SORCS2: variants seen among roughly 807,000 people sequenced by gnomAD.
SORCS2 encodes the protein sortilin related VPS10 domain containing receptor 2, also known as VPS10 domain-containing receptor SorCS2.
A neutral mutation model predicts 141.6 loss-of-function variants in SORCS2; 100 were observed. The ratio of observed to expected loss-of-function variants is 0.71; its 90% confidence interval spans 0.60 to 0.83. SORCS2 has a LOEUF of 0.83. Among genes scored for constraint, SORCS2 ranks in the 40% least tolerant of loss-of-function variants. The pLI is 0.00. For missense variants in SORCS2, 1,646 were observed against 1,560.2 expected, an observed-to-expected ratio of 1.05 and a Z score of -0.93; for synonymous variants, 789 against 676.9, an observed-to-expected ratio of 1.17 and a Z score of -2.57.
At chr4:7,232,546 G>T (rs922907165) in intron 1 of SORCS2, among the ~76,000 whole-genome samples, 1 of 152,164 alleles carries the variant, frequency 6.6e-6, no homozygotes, top group South Asian at 2.1e-4. Context: ...CTCTTAATTC[G>T]CTTTCCTGCC....
At chr4:7,557,446 G>A (rs1222850220) in intron 3 of SORCS2, among the ~76,000 whole-genome samples, 1 of 152,216 alleles carries the variant, frequency 6.6e-6, no homozygotes, top group Non-Finnish European at 1.5e-5. Context: ...CTTTGAAGAT[G>A]ATTGTGTGCT....
chr4:7,609,704 C>G (rs1394365955), intron 3 of SORCS2, among the ~76,000 whole-genome samples: 1 of 152,216 alleles, frequency 6.6e-6, no homozygotes, highest in Non-Finnish European at 1.5e-5. Flanking sequence ...CTCCAGAGAG[C>G]GGCTCAGGAA....
Position 7,718,173 on chromosome 4 carries a change from G to T in SORCS2, c.2414G>T (p.Arg805Leu). 6.2e-7 allele frequency: 1 copy of T among 1,610,156 alleles called. No homozygotes were observed. The highest frequency in any genetic ancestry group is 8.5e-7 in the Non-Finnish European group (1 of 1,179,252). ...GGAGAGGACGTCCTGTTTGTGGTGC[G>T]GCAGGAGCAGGTGAGTGAGCACCTC... ...RPGEDVLFVV[R>L]QEQGDVLTTK... is the part of the protein sequence containing the mutation. The change falls in exon 18 of 27, where the codon CGG (arginine) becomes CTG (leucine). Residue 805 changes from arginine to leucine, a missense_variant. Arg to Leu is a moderately radical substitution (Grantham distance 102). Transcript: ENST00000507866.
At chr4:7,727,939 C>G (rs1056658502) in intron 21 of SORCS2, among the ~76,000 whole-genome samples, 3 of 152,216 alleles carry the variant, frequency 2.0e-5, no homozygotes, top group African/African-American at 7.2e-5. Context: ...CCATGGATCC[C>G]TGATGGATGA....
chr4:7,241,970 C>T (rs942096846), intron 1 of SORCS2, among the ~76,000 whole-genome samples: 6 of 152,194 alleles, frequency 3.9e-5, no homozygotes, highest in Non-Finnish European at 8.8e-5. Context: ...CTGGCTGCAG[C>T]TGAGTGCAGC....
At chr4:7,452,686 T>C (rs1400470342) in intron 2 of SORCS2, among the ~76,000 whole-genome samples, 1 of 152,214 alleles carries the variant, frequency 6.6e-6, no homozygotes, top group African/African-American at 2.4e-5. Flanking sequence ...ACTCTGTGCC[T>C]CAGTTTCTGC....
At chr4:7,576,103 CAG>C (rs1715733638) in intron 3 of SORCS2, among the ~76,000 whole-genome samples, 1 of 152,208 alleles carries the variant, frequency 6.6e-6, no homozygotes, top group South Asian at 2.1e-4. Context: ...GCTCCAATGG[CAG>C]AGTGTTCTTA....
chr4:7,515,227 G>T (rs1345350785), intron 2 of SORCS2, among the ~76,000 whole-genome samples: 2 of 152,222 alleles, frequency 1.3e-5, no homozygotes, highest in African/African-American at 4.8e-5. Context: ...ACAGTGGCCA[G>T]CTCAAGGTCA....
intron 1 of SORCS2, among the ~76,000 whole-genome samples, chr4:7,324,951 C>T (rs1053629733): frequency 6.6e-6 from 1 of 152,208 alleles, no homozygotes; most frequent in Non-Finnish European, 1.5e-5. Context: ...TTGACTCTGG[C>T]TCTGCTGAGC....
chr4:7,541,655 C>T (rs957943879), intron 3 of SORCS2, among the ~76,000 whole-genome samples: 1 of 152,218 alleles, frequency 6.6e-6, no homozygotes, highest in Non-Finnish European at 1.5e-5. Context: ...ACATCAGAAC[C>T]ATCTGCGGAC....
intron 2 of SORCS2, among the ~76,000 whole-genome samples, chr4:7,447,620 C>T (rs906987282): frequency 7.9e-5 from 12 of 152,060 alleles, no homozygotes; most frequent in Non-Finnish European, 2.9e-5. Context: ...ATAAGTCCAT[C>T]CATGCATTGG....
At chr4:7,386,164 T>C (rs368949169) in intron 1 of SORCS2, among the ~76,000 whole-genome samples, 3 of 124,678 alleles carry the variant, frequency 2.4e-5, no homozygotes, top group East Asian at 6.1e-4. Flanking sequence ...TACACAGAGA[T>C]ACACATGCGC....
chr4:7,441,171 G>C (rs965525538), intron 2 of SORCS2, among the ~76,000 whole-genome samples: 1 of 152,214 alleles, frequency 6.6e-6, no homozygotes, highest in Non-Finnish European at 1.5e-5. Context: ...AGCAGGGAGG[G>C]TCAGAGGGCA....
chr4:7,358,189 A>G (rs1314506943), intron 1 of SORCS2, among the ~76,000 whole-genome samples: 1 of 152,192 alleles, frequency 6.6e-6, no homozygotes, highest in Non-Finnish European at 1.5e-5. Context: ...ACATGCCCAT[A>G]GTGTGGGTGA....
chr4:7,376,350 G>C (rs1007353048), intron 1 of SORCS2, among the ~76,000 whole-genome samples: 1 of 152,306 alleles, frequency 6.6e-6, no homozygotes, highest in Admixed American at 6.5e-5. Context: ...GCCAAGGCTG[G>C]TGGATCATTT....
At chr4:7,556,024 G>A (rs1197390635) in intron 3 of SORCS2, among the ~76,000 whole-genome samples, 3 of 152,222 alleles carry the variant, frequency 2.0e-5, no homozygotes, top group Non-Finnish European at 4.4e-5. Context: ...CTCACATCGC[G>A]ATGCTCATTG....
chr4:7,469,837 A>G (rs1353778947), intron 2 of SORCS2, among the ~76,000 whole-genome samples: 1 of 152,214 alleles, frequency 6.6e-6, no homozygotes, highest in Non-Finnish European at 1.5e-5. Flanking sequence ...ACTGCCTGGC[A>G]TCTCATGGGG....
chr4:7,553,875 C>T (rs1713910875), intron 3 of SORCS2, among the ~76,000 whole-genome samples: 1 of 152,142 alleles, frequency 6.6e-6, no homozygotes, highest in South Asian at 2.1e-4. Context: ...AGGTCAGAGG[C>T]ACAACTTCAT....
intron 2 of SORCS2, among the ~76,000 whole-genome samples, chr4:7,471,101 G>A (rs1382004451): frequency 6.6e-6 from 1 of 152,152 alleles, no homozygotes; most frequent in Non-Finnish European, 1.5e-5. Context: ...GAAAGGCAAG[G>A]GCATCTTTTT....
Sources: gnomAD v4.1 joint callset for allele counts (sites outside exome capture counted in the v4.1 genomes callset) on GRCh38, gnomAD v4.1.1 for gene constraint, MANE v1.5 for transcripts, NCBI Gene and HGNC (gene_info 2026-07-23, HGNC 2026-07-21) for gene names.